LYPLAL1: variants seen among roughly 807,000 people sequenced by gnomAD.
LYPLAL1 encodes lysophospholipase-like protein 1.
Under a neutral mutation model 19.7 loss-of-function variants are expected in LYPLAL1, and 23 were observed. The ratio of observed to expected loss-of-function variants is 1.17; its 90% CI spans 0.84 to 1.65. LYPLAL1 has a LOEUF of 1.65. Among genes scored for constraint, LYPLAL1 ranks in the 40% most tolerant of loss-of-function variants. LYPLAL1 has a pLI of 0.00. For missense variants in LYPLAL1, 355 were observed against 279.4 expected (o/e 1.27, Z -1.93); for synonymous variants, 119 against 96.3 (o/e 1.24, Z -1.38).
the LYPLAL1 span, among the ~76,000 whole-genome samples, chr1:219,343,252 A>G: frequency 6.6e-6 from 1 of 152,230 alleles, no homozygotes; most frequent in Non-Finnish European, 1.5e-5. Flanking sequence ...GAATAAGACA[A>G]AGATGAGCCC....
chr1:219,397,284 A>G, the LYPLAL1 span, among the ~76,000 whole-genome samples: 1 of 152,116 alleles, frequency 6.6e-6, no homozygotes, highest in Admixed American at 6.5e-5. Context: ...ATGGTGGGTA[A>G]TCTTTTTGAT....
chr1:219,398,663 C>A, the LYPLAL1 span, among the ~76,000 whole-genome samples: 17 of 152,140 alleles, frequency 1.1e-4, no homozygotes, highest in Non-Finnish European at 5.9e-5. Flanking sequence ...TTGCACTGGT[C>A]CTTTCTCATC....
At chr1:219,296,611 C>G in the LYPLAL1 span, among the ~76,000 whole-genome samples, 1 of 152,118 alleles carries the variant, frequency 6.6e-6, no homozygotes, top group South Asian at 2.1e-4. Context: ...GGGAAGCTAA[C>G]AAAACACCCT....
At chr1:219,203,761 T>G (rs530778663) in intron 3 of LYPLAL1, among the ~76,000 whole-genome samples, 5 of 152,252 alleles carry the variant, frequency 3.3e-5, no homozygotes, top group Non-Finnish European at 7.4e-5. Context: ...AAATGGGCAT[T>G]TTAGAAAGAT....
the LYPLAL1 span, among the ~76,000 whole-genome samples, chr1:219,401,350 T>TTTTTTTTTTTTTTTTTTTTTTTGAGACGG: frequency 6.7e-6 from 1 of 148,670 alleles, no homozygotes; most frequent in Admixed American, 7.0e-5. Context: ...TTTCTTTTTT[T>TTTTTTTTTTTTTTTTTTTTTTTGAGACGG]AATTGCCACT....
At chr1:219,186,743 A>G (rs1239069583) in intron 2 of LYPLAL1, among the ~76,000 whole-genome samples, 1 of 151,528 alleles carries the variant, frequency 6.6e-6, no homozygotes, top group African/African-American at 2.4e-5. Flanking sequence ...TACCTATATC[A>G]TTGTATTTAA....
At chr1:219,276,804 C>G in the LYPLAL1 span, among the ~76,000 whole-genome samples, 2 of 152,104 alleles carry the variant, frequency 1.3e-5, no homozygotes, top group Admixed American at 6.5e-5. Context: ...GAAATTCCCC[C>G]AAAGGACACA....
At chr1:219,248,337 C>T in the LYPLAL1 span, among the ~76,000 whole-genome samples, 1 of 152,114 alleles carries the variant, frequency 6.6e-6, no homozygotes, top group Admixed American at 6.6e-5. Context: ...GTTTGCCACA[C>T]CTGGCTCTTT....
the LYPLAL1 span, among the ~76,000 whole-genome samples, chr1:219,233,354 G>T: frequency 6.6e-6 from 1 of 152,292 alleles, no homozygotes; most frequent in East Asian, 1.9e-4. Context: ...AGGAGGGAGT[G>T]ATAGGGAATT....
intron 4 of LYPLAL1, among the ~76,000 whole-genome samples, chr1:219,211,218 G>T (rs537394770): frequency 6.6e-6 from 1 of 152,150 alleles, no homozygotes; most frequent in South Asian, 2.1e-4. Context: ...AAGTCACTTA[G>T]TTTCTTTAGG....
the LYPLAL1 span, among the ~76,000 whole-genome samples, chr1:219,437,751 A>ATTTATTTTCTTTTAT: frequency 7.0e-6 from 1 of 143,446 alleles, no homozygotes; most frequent in African/African-American, 2.6e-5. Flanking sequence ...ATTTTATTGT[A>ATTTATTTTCTTTTAT]TTTATTTTAT....
the LYPLAL1 span, among the ~76,000 whole-genome samples, chr1:219,360,956 TAAA>T: frequency 6.6e-6 from 1 of 152,080 alleles, no homozygotes; most frequent in East Asian, 1.9e-4. Flanking sequence ...GAATTTATAA[TAAA>T]AAAGAAGGGA....
the LYPLAL1 span, among the ~76,000 whole-genome samples, chr1:219,230,163 A>C: frequency 1.3e-3 from 199 of 152,308 alleles, no homozygotes; most frequent in Non-Finnish European, 2.4e-3. Context: ...CCCAGGCTGG[A>C]GTGCAGTGGC....
At chr1:219,257,133 T>G in the LYPLAL1 span, among the ~76,000 whole-genome samples, 1 of 151,996 alleles carries the variant, frequency 6.6e-6, no homozygotes, top group Admixed American at 6.6e-5. Flanking sequence ...CTTTATCATT[T>G]GTAAAAAACT....
chr1:219,381,183 A>G, the LYPLAL1 span, among the ~76,000 whole-genome samples: 1 of 152,112 alleles, frequency 6.6e-6, no homozygotes, highest in Non-Finnish European at 1.5e-5. Context: ...GTGATAGTGA[A>G]TAAGTCTCAT....
At chr1:219,305,640 A>G in the LYPLAL1 span, among the ~76,000 whole-genome samples, 1 of 152,198 alleles carries the variant, frequency 6.6e-6, no homozygotes, top group African/African-American at 2.4e-5. Context: ...GCAGAAAGTG[A>G]TATTCAGGGC....
At chr1:219,318,811 C>T in the LYPLAL1 span, among the ~76,000 whole-genome samples, 1 of 152,062 alleles carries the variant, frequency 6.6e-6, no homozygotes, top group Non-Finnish European at 1.5e-5. Context: ...AGGAGAGGAC[C>T]CCTAATGTGT....
the LYPLAL1 span, among the ~76,000 whole-genome samples, chr1:219,308,391 A>G: frequency 7.9e-5 from 12 of 152,384 alleles, no homozygotes; most frequent in African/African-American, 2.9e-4. Context: ...AGATATTTGC[A>G]TAAGTAATGA....
chr1:219,381,393 T>C, the LYPLAL1 span, among the ~76,000 whole-genome samples: 3 of 152,330 alleles, frequency 2.0e-5, no homozygotes, highest in East Asian at 5.8e-4. Context: ...AACATGAGAA[T>C]GGACTAACAC....
Sources: allele counts gnomAD v4.1 joint callset (sites outside exome capture counted in the v4.1 genomes callset), GRCh38; gene constraint gnomAD v4.1.1; transcripts MANE v1.5; gene names NCBI Gene and HGNC (gene_info 2026-07-23, HGNC 2026-07-21).